Variants in CEP131 observed in about 807,000 individuals in gnomAD.
CEP131 encodes centrosomal protein of 131 kDa.
A neutral mutation model predicts 136.8 loss-of-function variants in CEP131; 99 were observed. The ratio of observed to expected loss-of-function variants is 0.72; its 90% CI spans 0.62 to 0.86. The LOEUF is 0.86. Ranked by LOEUF, CEP131 falls within the 40% of genes least tolerant of loss-of-function variation. CEP131 has a pLI of 0.00. For missense variants in CEP131, 1,459 were observed against 1,463.0 expected, an observed-to-expected ratio of 1.00 and a Z score of 0.04; for synonymous variants, 646 against 612.7, an observed-to-expected ratio of 1.05 and a Z score of -0.80.
rs756635270 is a variant in CEP131, at chr17:81,192,810, C to G, written c.2355G>C (p.Ala785=). The change falls in exon 19 of 26, where the codon GCG becomes GCC. Residue 785 remains alanine, a synonymous_variant. Transcript: ENST00000450824. ...FQQHLEQEQW[A]LQQQRQRLYS... ...ACAGCCGCTGCCGTTGCTGCTGCAG[C>G]GCCCACTGCTCCTGCTCCAGGTGCT... The G allele has an allele frequency of 6.3e-7, 1 of 1,598,752 alleles. No individual in the cohort carries two copies. The highest frequency in any genetic ancestry group is 8.5e-7 in the Non-Finnish European group (1 of 1,179,360).
At chr17:81,217,185 G>A (rs1339571628) in intron 2 of CEP131, among the ~76,000 whole-genome samples, 2 of 152,154 alleles carry the variant, frequency 1.3e-5, no homozygotes, top group African/African-American at 2.4e-5. Flanking sequence ...AGGATCAGGT[G>A]GGCACACAGC....
At chr17:81,212,300 C>T (rs536392144) in intron 2 of CEP131, among the ~76,000 whole-genome samples, 33 of 139,402 alleles carry the variant, frequency 2.4e-4, no homozygotes, top group Middle Eastern at 3.9e-3. Context: ...CCAGCCTGGG[C>T]GACAGAGCAA....
intron 8 of CEP131, 111 bp from the exon 9 acceptor site, chr17:81,199,946 C>G (rs2061853508): frequency 9.6e-7 from 1 of 1,042,254 alleles, no homozygotes; most frequent in Non-Finnish European, 1.5e-6. Flanking sequence ...CGTGGAATCT[C>G]AGGGCCAGCA....
At chr17:81,197,949 A>G in intron 12 of CEP131, 61 bp from the exon 13 acceptor site, 2 of 1,571,064 alleles carry the variant, frequency 1.3e-6, no homozygotes, top group Non-Finnish European at 1.7e-6. Flanking sequence ...TGGGTTCCCC[A>G]AAGGCAGAGG....
rs1277381023 is a variant in CEP131, at chr17:81,199,664, C to T, written c.1023+55G>A. On this transcript the variant is annotated intron_variant, in intron 9 of 25. Coordinates refer to ENST00000450824, the MANE Select transcript of CEP131 (RefSeq NM_014984.4). ...GCCCAGGGAGCCCCAGCAGCAGCCC[C>T]GCACGGTCAGGCCTGGGCCACGGTG... The T allele has an allele frequency of 4.4e-6, 7 of 1,600,312 alleles. No homozygotes were observed. In the African/African-American group the frequency reaches 5.3e-5, roughly 12 times the overall value.
chr17:81,197,868 C>T lies in CEP131; in HGVS notation c.1491G>A (p.Leu497=), dbSNP rs2061799434. 1.2e-6 allele frequency: 2 copies of T among 1,612,752 alleles called. No homozygotes were observed. The highest frequency in any genetic ancestry group is 2.7e-5 in the African/African-American group (2 of 74,944). The change falls in exon 13 of 26, where the codon CTG becomes CTA. Residue 497 remains leucine, a synonymous_variant. Transcript: ENST00000450824. ...CAAATTTCTCCAAGTTGTCAGCTGT[C>T]AGAGAGCTGGCGTCATCCTCCTGTG... ...WASEEDDASS[L]TADNLEKFGK... is the part of the protein sequence containing the mutation.
At chr17:81,217,036 G>T (rs1001835365) in intron 2 of CEP131, among the ~76,000 whole-genome samples, 2 of 152,262 alleles carry the variant, frequency 1.3e-5, no homozygotes, top group Non-Finnish European at 2.9e-5. Context: ...ATCGCCCAGG[G>T]AGGGGCAGGT....
At position 81,192,301 on chromosome 17, in the gene CEP131, G is replaced by T; in HGVS notation, c.2622+17C>A. 1 of 1,548,472 alleles carries T rather than the reference G, an allele frequency of 6.5e-7. No individual in the cohort carries two copies. Among genetic ancestry groups the T allele is most frequent in the Non-Finnish European group, 8.7e-7 (1 of 1,147,070 alleles). Reference sequence around the variant, plus strand: ...GCAGCCCCCAACCCCTGCCCACCTGGGTGCCCAGGCCCCCACCTCCTTCCT... The same window carrying T: ...GCAGCCCCCAACCCCTGCCCACCTGTGTGCCCAGGCCCCCACCTCCTTCCT... On this transcript the variant is annotated intron_variant, in intron 21 of 25. Transcript: ENST00000450824.
chr17:81,206,902 C>T (rs757282890), intron 4 of CEP131, 31 bp from the exon 5 acceptor site: 10 of 1,603,546 alleles, frequency 6.2e-6, no homozygotes, highest in South Asian at 1.1e-5. Flanking sequence ...TGACACCGCC[C>T]GCACACACCC....
At chr17:81,197,414 T>A in intron 13 of CEP131, 1 of 531,256 alleles carries the variant, frequency 1.9e-6, no homozygotes, top group South Asian at 2.3e-5. Flanking sequence ...AGGGCTGAAC[T>A]ATCCACACAT....
At chr17:81,192,685 G>GGGGGGGCC in intron 19 of CEP131, 51 bp downstream of exon 19, 3 of 478,428 alleles carry the variant, frequency 6.3e-6, no homozygotes, top group Non-Finnish European at 1.2e-5. Context: ...GGGGGGAGGG[G>GGGGGGGCC]TCAGCCAGCG....
intron 21 of CEP131, 115 bp from the exon 22 acceptor site, chr17:81,191,450 C>T: frequency 1.0e-6 from 1 of 954,270 alleles, no homozygotes. Flanking sequence ...GAGCAAGGGG[C>T]CTTCCCCCTC....
chr17:81,210,601 A>G lies in CEP131; in HGVS notation c.178-1579T>C, dbSNP rs369870303. Among the ~76,000 whole-genome samples, 7 of 151,960 alleles carry G rather than the reference A, an allele frequency of 4.6e-5. 1 individual carries two copies. Among genetic ancestry groups the G allele is most frequent in the African/African-American group, 1.7e-4 (7 of 41,446 alleles). The stretch of plus-strand genomic sequence containing the variant: ...AAACAAAAAACCCTCCAAATCAAAC[A>G]TTTCAGGGGAAAGGGCTCACAGTCC... On this transcript the variant is annotated intron_variant, in intron 2 of 25. Coordinates refer to ENST00000450824, the MANE Select transcript of CEP131 (RefSeq NM_014984.4).
At position 81,215,600 on chromosome 17, in the gene CEP131, C is replaced by A; in HGVS notation, c.177+4280G>T. On this transcript the variant is annotated intron_variant, in intron 2 of 25. Transcript: ENST00000450824. The surrounding 1 kb of genome is among the most constrained non-coding windows in gnomAD (Gnocchi z 4.1). ...CTATTTTTTCTATTTTTAGTAGAGA[C>A]GAGGTTTCACCGTGTTGGCCAGGCT... is the stretch of plus-strand genomic sequence containing the variant. Among the ~76,000 whole-genome samples, 1 of 103,782 alleles carries A rather than the reference C, an allele frequency of 9.6e-6. No homozygotes were observed. Among genetic ancestry groups the A allele is most frequent in the Non-Finnish European group, 2.1e-5 (1 of 48,382 alleles). The allele number at this position is 103,782 out of a possible 152,430, so 68.1% of individuals were successfully genotyped here.
chr17:81,192,397 GGGGC>G lies in CEP131; in HGVS notation c.2548-9_2548-6del, dbSNP rs779978850. 13 of 1,609,674 alleles carry G rather than the reference GGGGC, an allele frequency of 8.1e-6. No individual in the cohort carries two copies. Among genetic ancestry groups the G allele is most frequent in the African/African-American group, 1.3e-5 (1 of 74,950 alleles). ...CTTCAGGGTATTCAGCTCCATCTGG[GGGGC>G]GGACATAAGAGGCCAGTCAGTCCCA... On this transcript the variant is annotated splice_region_variant and splice_polypyrimidine_tract_variant and intron_variant, in intron 20 of 25. Coordinates refer to ENST00000450824, the MANE Select transcript of CEP131 (RefSeq NM_014984.4).
intron 2 of CEP131, among the ~76,000 whole-genome samples, chr17:81,217,335 G>A (rs921990910): frequency 1.4e-4 from 21 of 152,170 alleles, no homozygotes; most frequent in African/African-American, 4.1e-4. Context: ...TAGAGACAAG[G>A]GGTAGAGTGG....
chr17:81,194,833 C>A, intron 17 of CEP131, 37 bp downstream of exon 17: 1 of 1,562,810 alleles, frequency 6.4e-7, no homozygotes, highest in Middle Eastern at 1.9e-4. Flanking sequence ...CAGCACCCAC[C>A]CCACACCTGG....
In CEP131 at chr17:81,203,646, T is replaced by C. The variant is rs2146608403; in HGVS notation, c.516-39A>G. 1.3e-6 allele frequency: 2 copies of C among 1,493,808 alleles called. No individual in the cohort carries two copies. The highest frequency in any genetic ancestry group is 2.4e-5 in the East Asian group (1 of 41,318). 92.5% of individuals were successfully genotyped at this position (1,493,808 alleles called of 1,614,324 possible). ...AGAGAGACAGGAATGGTCAGGCCTC[T>C]GGAGGGGACGCCTGAGATCTCAGAG... On this transcript the variant is annotated intron_variant, in intron 5 of 25. Coordinates refer to ENST00000450824, the MANE Select transcript of CEP131 (RefSeq NM_014984.4). This position sits in a 1 kb window ranked among gnomAD's most constrained non-coding sequence, Gnocchi z 4.6.
At chr17:81,210,555 C>G (rs139238285) in intron 2 of CEP131, among the ~76,000 whole-genome samples, 18 of 151,712 alleles carry the variant, frequency 1.2e-4, no homozygotes, top group Non-Finnish European at 2.4e-4. Context: ...GGAGACAGAG[C>G]GAGACTCCGT....
Sources: allele counts gnomAD v4.1 joint callset (sites outside exome capture counted in the v4.1 genomes callset), GRCh38; gene constraint gnomAD v4.1.1; non-coding constraint Gnocchi (gnomAD v3.1); transcripts MANE v1.5; gene names NCBI Gene and HGNC (gene_info 2026-07-23, HGNC 2026-07-21).